Variants in ADRA1A observed in about 807,000 individuals in gnomAD.
ADRA1A encodes adrenoceptor alpha 1A.
Under a neutral mutation model 29.6 loss-of-function variants are expected in ADRA1A, and 31 were observed. The ratio of observed to expected loss-of-function variants is 1.05; its 90% CI spans 0.79 to 1.41. ADRA1A has a LOEUF of 1.41. Among genes scored for constraint, ADRA1A ranks in the 40% most tolerant of loss-of-function variants. The pLI, the probability that ADRA1A is intolerant of heterozygous loss-of-function variation, is 0.00. For missense variants in ADRA1A, 619 were observed against 601.1 expected (o/e 1.03, Z -0.31); for synonymous variants, 311 against 254.3 (o/e 1.22, Z -2.12).
chr8:26,775,040 G>T lies in ADRA1A; in HGVS notation c.884-4374C>A, dbSNP rs1001719869. Among the ~76,000 whole-genome samples the T allele has an allele frequency of 1.3e-5, 2 of 150,526 alleles. No individual in the cohort carries two copies. Among genetic ancestry groups the T allele is most frequent in the Non-Finnish European group, 2.9e-5 (2 of 67,892 alleles). Reference sequence around the variant, plus strand: ...GCTGAACCAGCCTGGTTCAGGGGTGGGTGCCTCTGACCCAGTCACTCTGTG... The same window carrying T: ...GCTGAACCAGCCTGGTTCAGGGGTGTGTGCCTCTGACCCAGTCACTCTGTG... On this transcript the variant is annotated intron_variant, in intron 2 of 2. Transcript: ENST00000380573. The surrounding 1 kb of genome is among the most constrained non-coding windows in gnomAD (Gnocchi z 4.1).
intron 2 of ADRA1A, chr8:26,859,061 C>G: frequency 7.8e-7 from 1 of 1,279,418 alleles, no homozygotes; most frequent in Non-Finnish European, 1.0e-6. Context: ...CCCTATTAAA[C>G]ATGGGTGTTT....
intron 2 of ADRA1A, among the ~76,000 whole-genome samples, chr8:26,842,176 A>G (rs1370822788): frequency 6.6e-6 from 1 of 152,244 alleles, no homozygotes; most frequent in Non-Finnish European, 1.5e-5. Flanking sequence ...AATGCAGTGG[A>G]CATTAGCCAT....
chr8:26,753,871 C>T (rs971454052), downstream of ADRA1A, among the ~76,000 whole-genome samples: 1 of 152,020 alleles, frequency 6.6e-6, no homozygotes, highest in Non-Finnish European at 1.5e-5. Flanking sequence ...CAATATTGAA[C>T]AACACTTAAA....
intron 2 of ADRA1A, among the ~76,000 whole-genome samples, chr8:26,811,523 T>C (rs913104017): frequency 6.6e-6 from 1 of 152,220 alleles, no homozygotes; most frequent in Non-Finnish European, 1.5e-5. Context: ...GACAAACTGG[T>C]ATTTACACCA....
At chr8:26,814,618 C>A (rs1714496500) in intron 2 of ADRA1A, among the ~76,000 whole-genome samples, 1 of 152,206 alleles carries the variant, frequency 6.6e-6, no homozygotes, top group African/African-American at 2.4e-5. Context: ...TTAAATTTAA[C>A]ACTTCTTTAA....
downstream of ADRA1A, chr8:26,766,094 AC>A: frequency 6.2e-7 from 1 of 1,613,824 alleles, no homozygotes; most frequent in Non-Finnish European, 8.5e-7. Flanking sequence ...CATAAAATTC[AC>A]ATGCTTGATA....
intron 2 of ADRA1A, among the ~76,000 whole-genome samples, chr8:26,844,638 A>G (rs1315596995): frequency 1.3e-5 from 2 of 152,324 alleles, no homozygotes; most frequent in Middle Eastern, 3.4e-3. Flanking sequence ...AGAAAGAATA[A>G]TTTCTTCAAT....
At chr8:26,766,079 G>A, downstream of ADRA1A, 1 of 1,613,754 alleles carries the variant, frequency 6.2e-7, no homozygotes, top group Non-Finnish European at 8.5e-7. Context: ...TCTCCACGGT[G>A]GCATCATAAA....
chr8:26,833,799 G>A (rs13252560), intron 2 of ADRA1A, among the ~76,000 whole-genome samples: 1 of 152,168 alleles, frequency 6.6e-6, no homozygotes, highest in South Asian at 2.1e-4. Context: ...GAGGAAGCTG[G>A]CATATGGCTT....
rs1585872764 is a variant in ADRA1A at position 26,865,590 on chromosome 8, G to A, written c.-621C>T. 1.0e-6 allele frequency: 1 copy of A among 988,122 alleles called. No homozygotes were observed. The highest frequency in any genetic ancestry group is 6.0e-5 in the Admixed American group (1 of 16,742). The allele number at this position is 988,122 out of a possible 1,614,324, so 61.2% of individuals were successfully genotyped here. ...TCCAGCTTCTAGGAGCACAGGTCAG[G>A]GGACGTAGGTGTGGAATATGTGCTG... On this transcript the variant is annotated 5_prime_UTR_variant, in exon 2 of 3. Coordinates refer to ENST00000380573, the MANE Select transcript of ADRA1A (RefSeq NM_000680.4). This position sits in a 1 kb window ranked among gnomAD's most constrained non-coding sequence, Gnocchi z 7.6.
At chr8:26,781,467 A>C (rs1806975753) in intron 2 of ADRA1A, among the ~76,000 whole-genome samples, 1 of 152,228 alleles carries the variant, frequency 6.6e-6, no homozygotes, top group Non-Finnish European at 1.5e-5. Context: ...CATTTTGAAC[A>C]CAGCTCCTGC....
chr8:26,797,990 T>C (rs1003049518), intron 2 of ADRA1A, among the ~76,000 whole-genome samples: 1 of 152,078 alleles, frequency 6.6e-6, no homozygotes, highest in Admixed American at 6.5e-5. Flanking sequence ...AGTTAGTCTT[T>C]TTTTTTTGGG....
chr8:26,757,520 C>CAA (rs569918637), intron 2 of ADRA1A, among the ~76,000 whole-genome samples: 1 of 151,490 alleles, frequency 6.6e-6, no homozygotes, highest in Non-Finnish European at 1.5e-5. Context: ...TTTCCCCCAC[C>CAA]CCCCACCTCT....
intron 2 of ADRA1A, among the ~76,000 whole-genome samples, chr8:26,799,486 C>A (rs1210435544): frequency 6.6e-6 from 1 of 152,216 alleles, no homozygotes. Flanking sequence ...ATATTTGAAT[C>A]TGTGGTCAAA....
chr8:26,756,008 C>T, downstream of ADRA1A, among the ~76,000 whole-genome samples: 1 of 152,146 alleles, frequency 6.6e-6, no homozygotes, highest in Non-Finnish European at 1.5e-5. Flanking sequence ...TTCAAACATG[C>T]ACAAACATGG....
At chr8:26,833,883 A>T (rs1356571095) in intron 2 of ADRA1A, among the ~76,000 whole-genome samples, 2 of 152,198 alleles carry the variant, frequency 1.3e-5, no homozygotes, top group East Asian at 3.8e-4. Flanking sequence ...TGTATTTAGC[A>T]TTGTTCTGGA....
intron 2 of ADRA1A, among the ~76,000 whole-genome samples, chr8:26,827,992 C>G (rs1178727944): frequency 6.6e-6 from 1 of 152,110 alleles, no homozygotes; most frequent in East Asian, 1.9e-4. Context: ...TTTCTGGGCT[C>G]CAGCAACCCT....
chr8:26,865,102 G>A lies in ADRA1A; in HGVS notation c.-133C>T. The A allele has an allele frequency of 6.7e-7, 1 of 1,492,446 alleles. No individual in the cohort carries two copies. Among genetic ancestry groups the A allele is most frequent in the Non-Finnish European group, 8.8e-7 (1 of 1,131,556 alleles). 92.5% of individuals were successfully genotyped at this position (1,492,446 alleles called of 1,614,324 possible). On this transcript the variant is annotated 5_prime_UTR_variant, in exon 2 of 3. Coordinates refer to ENST00000380573, the MANE Select transcript of ADRA1A (RefSeq NM_000680.4). The surrounding 1 kb of genome is among the most constrained non-coding windows in gnomAD (Gnocchi z 7.6). ...GCCCTGCCAGGTGGGTTTGGCTGGG[G>A]GTGAGAGCGCGCGCGCGGGTGGGAA...
chr8:26,829,648 A>G (rs530814959), intron 2 of ADRA1A, among the ~76,000 whole-genome samples: 3 of 152,172 alleles, frequency 2.0e-5, no homozygotes, highest in Non-Finnish European at 2.9e-5. Context: ...AAAGAAATAC[A>G]GCTCCAAGTT....
Sources: gnomAD v4.1 joint callset for allele counts (sites outside exome capture counted in the v4.1 genomes callset) on GRCh38, gnomAD v4.1.1 for gene constraint, Gnocchi (gnomAD v3.1) non-coding constraint, MANE v1.5 for transcripts, NCBI Gene and HGNC (gene_info 2026-07-23, HGNC 2026-07-21) for gene names.